The following GREM2 variants were observed in gnomAD, a reference collection of about 807,000 sequenced individuals.
GREM2 encodes the protein gremlin-2.
GREM2 carries 11 observed loss-of-function variants against 14.2 expected under a neutral mutation model. That is an observed-to-expected ratio of 0.78 (90% CI 0.49 to 1.28). The LOEUF is 1.28. Ranked by LOEUF, GREM2 falls within the 50% of genes most tolerant of loss-of-function variation. The probability of loss-of-function intolerance (pLI) is 0.00; values close to 1 mark genes in which losing one functional copy is unlikely to be tolerated. For missense variants in GREM2, 210 were observed against 218.5 expected (o/e 0.96, Z 0.24); for synonymous variants, 98 against 97.6 (o/e 1.00, Z -0.02).
chr1:240,590,161 G>A (rs1679678698), intron 1 of GREM2, among the ~76,000 whole-genome samples: 1 of 152,294 alleles, frequency 6.6e-6, no homozygotes, highest in Middle Eastern at 3.4e-3. Context: ...ATCTGAAGAT[G>A]CACTTCTTTT....
chr1:240,517,288 G>GT (rs1677976262), intron 1 of GREM2, among the ~76,000 whole-genome samples: 1 of 152,096 alleles, frequency 6.6e-6, no homozygotes, highest in South Asian at 2.1e-4. Flanking sequence ...CTTTCCAACT[G>GT]TATCATTTTA....
At chr1:240,579,739 G>T (rs772637920) in intron 1 of GREM2, among the ~76,000 whole-genome samples, 6 of 152,218 alleles carry the variant, frequency 3.9e-5, no homozygotes, top group Admixed American at 6.5e-5. Context: ...GTTCATCAGA[G>T]CTTGAAGGCG....
intron 1 of GREM2, among the ~76,000 whole-genome samples, chr1:240,495,392 T>C (rs943299746): frequency 1.3e-5 from 2 of 152,230 alleles, no homozygotes. Flanking sequence ...TCAGTTGTTA[T>C]ATTTATCAAT....
At chr1:240,507,855 T>C (rs1431471620) in intron 1 of GREM2, among the ~76,000 whole-genome samples, 2 of 152,186 alleles carry the variant, frequency 1.3e-5, no homozygotes, top group East Asian at 1.9e-4. Context: ...CAGAATCCTA[T>C]TGACTATGCT....
intron 1 of GREM2, among the ~76,000 whole-genome samples, chr1:240,600,802 T>C (rs930759442): frequency 1.3e-5 from 2 of 152,178 alleles, no homozygotes; most frequent in Non-Finnish European, 2.9e-5. Flanking sequence ...ATTGCTGACA[T>C]GCATGTCTCT....
chr1:240,557,905 AG>A (rs1337817228), intron 1 of GREM2, among the ~76,000 whole-genome samples: 3 of 152,144 alleles, frequency 2.0e-5, no homozygotes, highest in African/African-American at 7.2e-5. Flanking sequence ...GAAAAGTTTG[AG>A]GCTGAAAAAA....
intron 1 of GREM2, among the ~76,000 whole-genome samples, chr1:240,510,401 C>CAAAAAAAAAAAAA (rs1553272787): frequency 1.4e-5 from 1 of 72,664 alleles, no homozygotes; most frequent in African/African-American, 4.8e-5. Context: ...AAAAAAAAAT[C>CAAAAAAAAAAAAA]AAATGGTATC....
chr1:240,510,433 G>A (rs1281805008), intron 1 of GREM2, among the ~76,000 whole-genome samples: 1 of 148,184 alleles, frequency 6.7e-6, no homozygotes, highest in East Asian at 2.0e-4. Flanking sequence ...AATCCACAGG[G>A]ACAGACTGCA....
In GREM2 at chr1:240,514,661, C is replaced by T. The variant is rs537752137; in HGVS notation, c.-1-21185G>A. Among the ~76,000 whole-genome samples, 8 of 152,286 alleles carry T rather than the reference C, an allele frequency of 5.3e-5. No homozygotes were observed. In the South Asian group the frequency reaches 8.3e-4, roughly 16 times the overall value. On this transcript the variant is annotated intron_variant, in intron 1 of 1. Coordinates refer to ENST00000318160, the MANE Select transcript of GREM2 (RefSeq NM_022469.4). ...CACCTGTAATCCCAGCACTTCAAGA[C>T]GCCAAGGCAGGAGGATTGCATGAGG...
intron 1 of GREM2, among the ~76,000 whole-genome samples, chr1:240,512,682 T>C (rs1677860402): frequency 6.6e-6 from 1 of 152,256 alleles, no homozygotes; most frequent in South Asian, 2.1e-4. Context: ...ATCTTACTTG[T>C]TTGAAATGCT....
chr1:240,566,211 T>A (rs192231505), intron 1 of GREM2, among the ~76,000 whole-genome samples: 2 of 152,326 alleles, frequency 1.3e-5, no homozygotes, highest in Admixed American at 1.3e-4. Flanking sequence ...AATTGAGGAC[T>A]TCTGTTTCTG....
At chr1:240,558,540 T>A (rs74149165) in intron 1 of GREM2, among the ~76,000 whole-genome samples, 2 of 152,166 alleles carry the variant, frequency 1.3e-5, no homozygotes, top group East Asian at 3.9e-4. Flanking sequence ...GGAGGAAGCT[T>A]AGCAAGTTCT....
chr1:240,519,494 A>C (rs1374369754), intron 1 of GREM2, among the ~76,000 whole-genome samples: 1 of 152,184 alleles, frequency 6.6e-6, no homozygotes, highest in Non-Finnish European at 1.5e-5. Context: ...AGTAATACTA[A>C]GTTTCAAAAA....
intron 1 of GREM2, among the ~76,000 whole-genome samples, chr1:240,561,503 G>C (rs1679034712): frequency 6.6e-6 from 1 of 152,080 alleles, no homozygotes; most frequent in South Asian, 2.1e-4. Flanking sequence ...CAGTTAAAAA[G>C]AAGAAGACCT....
At chr1:240,521,112 G>A (rs571432852) in intron 1 of GREM2, among the ~76,000 whole-genome samples, 53 of 152,208 alleles carry the variant, frequency 3.5e-4, no homozygotes, top group African/African-American at 1.3e-3. Context: ...CCATCTGGGA[G>A]TCCCTTGCTC....
chr1:240,557,815 C>T (rs1419376324), intron 1 of GREM2, among the ~76,000 whole-genome samples: 3 of 151,442 alleles, frequency 2.0e-5, no homozygotes, highest in Non-Finnish European at 4.4e-5. Flanking sequence ...ACCACCCAGA[C>T]AGGGTGACTA....
intron 1 of GREM2, among the ~76,000 whole-genome samples, chr1:240,547,053 C>A (rs991938956): frequency 5.3e-5 from 8 of 151,718 alleles, no homozygotes; most frequent in African/African-American, 1.9e-4. Context: ...CCTGGCCTGG[C>A]CTTAACAGGA....
At chr1:240,587,994 T>G (rs1176216018) in intron 1 of GREM2, among the ~76,000 whole-genome samples, 1 of 152,112 alleles carries the variant, frequency 6.6e-6, no homozygotes. Context: ...AAAACTGCTG[T>G]GAAACGGCAC....
At chr1:240,524,212 A>G (rs1678170652) in intron 1 of GREM2, among the ~76,000 whole-genome samples, 1 of 152,228 alleles carries the variant, frequency 6.6e-6, no homozygotes, top group South Asian at 2.1e-4. Context: ...GACAAAAAAT[A>G]AAATGTTGCC....
Sources: gnomAD v4.1 joint callset for allele counts (sites outside exome capture counted in the v4.1 genomes callset) on GRCh38, gnomAD v4.1.1 for gene constraint, MANE v1.5 for transcripts, NCBI Gene and HGNC (gene_info 2026-07-23, HGNC 2026-07-21) for gene names.